Variants in PCDHGA5 observed in about 807,000 individuals in gnomAD.
PCDHGA5 encodes protocadherin gamma-A5.
In PCDHGA5, 36 loss-of-function variants were observed where a neutral mutation model predicts 56.7. That is an observed-to-expected ratio of 0.64 (90% confidence interval 0.49 to 0.84). The LOEUF (loss-of-function observed/expected upper bound fraction) is 0.84. Among genes scored for constraint, PCDHGA5 ranks in the 40% least tolerant of loss-of-function variants. PCDHGA5 has a pLI of 0.00. For missense variants in PCDHGA5, 1,305 were observed against 1,201.5 expected (o/e 1.09, Z -1.27); for synonymous variants, 563 against 520.2 (o/e 1.08, Z -1.12).
chr5:141,496,932 T>G (rs1336402833), intron 2 of PCDHGA5, among the ~76,000 whole-genome samples: 1 of 148,964 alleles, frequency 6.7e-6, no homozygotes, highest in Non-Finnish European at 1.5e-5. Context: ...ACGCCTGTAA[T>G]CCCAGCACTT....
intron 3 of PCDHGA5, among the ~76,000 whole-genome samples, chr5:141,506,484 C>T (rs1489425559): frequency 6.6e-6 from 1 of 150,566 alleles, no homozygotes; most frequent in Non-Finnish European, 1.5e-5. Context: ...GCTTTAGAGG[C>T]AGGCCAATCT....
chr5:141,490,346 T>A lies in PCDHGA5; in HGVS notation c.2422-4461T>A. On this transcript the variant is annotated intron_variant, in intron 1 of 3. Coordinates refer to ENST00000518069, the MANE Select transcript of PCDHGA5 (RefSeq NM_018918.3). This position sits in a 1 kb window ranked among gnomAD's most constrained non-coding sequence, Gnocchi z 5.4. ...GAGAGCACACCAGTGGGCACAGTAG[T>A]GGGGTTGTTTAATGTGCGAGACCGG... The A allele has an allele frequency of 6.2e-7, 1 of 1,614,164 alleles. No individual in the cohort carries two copies. The highest frequency in any genetic ancestry group is 8.5e-7 in the Non-Finnish European group (1 of 1,180,020).
At position 141,423,431 on chromosome 5, in the gene PCDHGA5, G is replaced by A. The variant is rs1220133197; in HGVS notation, c.2421+56680G>A. On this transcript the variant is annotated intron_variant, in intron 1 of 3. Coordinates refer to ENST00000518069, the MANE Select transcript of PCDHGA5 (RefSeq NM_018918.3). ...CAGGCTTCTGAAGGCGGGTTGGCAGGTATGCCCACGTCACATTTTGTAGGC... is the reference window on the plus strand; with the variant it reads ...CAGGCTTCTGAAGGCGGGTTGGCAGATATGCCCACGTCACATTTTGTAGGC... 3 of 1,613,892 alleles carry A rather than the reference G, an allele frequency of 1.9e-6. No homozygotes were observed. Among genetic ancestry groups the A allele is most frequent in the Admixed American group, 3.3e-5 (2 of 60,012 alleles).
chr5:141,374,734 C>A, intron 1 of PCDHGA5: 1 of 1,610,164 alleles, frequency 6.2e-7, no homozygotes, highest in East Asian at 2.2e-5. Flanking sequence ...CCATGGATGG[C>A]GGCGACCCTG....
chr5:141,403,849 G>A, intron 1 of PCDHGA5: 1 of 1,613,560 alleles, frequency 6.2e-7, no homozygotes, highest in East Asian at 2.2e-5. Flanking sequence ...AAAATACTGG[G>A]GAAATATCAA....
chr5:141,433,358 C>CCTATCTATCTATCTATCTAT (rs3074541), intron 1 of PCDHGA5: 39 of 504,044 alleles, frequency 7.7e-5, no homozygotes, highest in Admixed American at 1.8e-4. Context: ...CTACTGTCTG[C>CCTATCTATCTATCTATCTAT]CTATCTATCT....
At chr5:141,375,224 C>T in intron 1 of PCDHGA5, 1 of 1,613,976 alleles carries the variant, frequency 6.2e-7, no homozygotes, top group South Asian at 1.1e-5. Context: ...CCTGAATGGC[C>T]TGGTAACCTG....
chr5:141,415,487 A>C, intron 1 of PCDHGA5: 1 of 1,614,170 alleles, frequency 6.2e-7, no homozygotes, highest in Non-Finnish European at 8.5e-7. Context: ...CGAAAGAGTC[A>C]CCTGATCTTC....
chr5:141,485,009 C>A lies in PCDHGA5; in HGVS notation c.2422-9798C>A, dbSNP rs531346426. 4 of 628,216 alleles carry A rather than the reference C, an allele frequency of 6.4e-6. No individual in the cohort carries two copies. Among genetic ancestry groups the A allele is most frequent in the African/African-American group, 3.7e-5 (2 of 54,100 alleles). 38.9% of individuals were successfully genotyped at this position (628,216 alleles called of 1,614,324 possible). On this transcript the variant is annotated intron_variant, in intron 1 of 3. Transcript: ENST00000518069. This position sits in a 1 kb window ranked among gnomAD's most constrained non-coding sequence, Gnocchi z 5.7. Reference sequence around the variant, plus strand: ...GGTGGTGAAAGGCAGACAAATCTACCCCGCCACCAGCAAAAACGGCGCGTA... The same window carrying A: ...GGTGGTGAAAGGCAGACAAATCTACACCGCCACCAGCAAAAACGGCGCGTA...
intron 1 of PCDHGA5, chr5:141,399,703 C>T: frequency 1.2e-6 from 2 of 1,613,474 alleles, no homozygotes; most frequent in African/African-American, 1.3e-5. Flanking sequence ...CACCTTCGAA[C>T]TCACACTACA....
intron 1 of PCDHGA5, among the ~76,000 whole-genome samples, chr5:141,484,030 T>G (rs1290301073): frequency 6.6e-6 from 1 of 151,022 alleles, no homozygotes; most frequent in African/African-American, 2.4e-5. Flanking sequence ...TGAGATCAAG[T>G]CTCCAGCTCC....
At chr5:141,420,001 C>T in intron 1 of PCDHGA5, 1 of 1,614,084 alleles carries the variant, frequency 6.2e-7, no homozygotes, top group Non-Finnish European at 8.5e-7. Flanking sequence ...TTGCTCTACG[C>T]CTGCGACAGT....
intron 1 of PCDHGA5, among the ~76,000 whole-genome samples, chr5:141,474,165 A>G (rs1444314307): frequency 6.6e-6 from 1 of 152,234 alleles, no homozygotes; most frequent in Non-Finnish European, 1.5e-5. Context: ...GACAGGCCTT[A>G]TTATTGAGAA....
chr5:141,490,419 G>C lies in PCDHGA5; in HGVS notation c.2422-4388G>C. The C allele has an allele frequency of 6.2e-7, 1 of 1,614,170 alleles. No homozygotes were observed. Among genetic ancestry groups the C allele is most frequent in the Non-Finnish European group, 8.5e-7 (1 of 1,180,020 alleles). ...TGAGCCTTGATATCTCTCCGGACCT[G>C]CCATTTCAGATTAAGCCTTCTGAGA... On this transcript the variant is annotated intron_variant, in intron 1 of 3. Transcript: ENST00000518069. The surrounding 1 kb of genome is among the most constrained non-coding windows in gnomAD (Gnocchi z 5.4).
At chr5:141,419,686 G>T (rs551990092) in intron 1 of PCDHGA5, 2 of 1,612,878 alleles carry the variant, frequency 1.2e-6, no homozygotes, top group South Asian at 1.1e-5. Flanking sequence ...ACCACGTGGT[G>T]CAGGCCAGTG....
chr5:141,479,003 C>T (rs2099485569), intron 1 of PCDHGA5, among the ~76,000 whole-genome samples: 1 of 152,176 alleles, frequency 6.6e-6, no homozygotes, highest in South Asian at 2.1e-4. Context: ...AAACTAATAG[C>T]TTTTTGATAA....
chr5:141,399,660 C>T (rs988885728), intron 1 of PCDHGA5: 2 of 1,613,654 alleles, frequency 1.2e-6, no homozygotes, highest in East Asian at 2.2e-5. Context: ...GGGTGGTGTT[C>T]GCGCAGCGCG....
rs1340147578 is a variant in PCDHGA5, at chr5:141,487,141, T to C, written c.2422-7666T>C. On this transcript the variant is annotated intron_variant, in intron 1 of 3. Transcript: ENST00000518069. This position sits in a 1 kb window ranked among gnomAD's most constrained non-coding sequence, Gnocchi z 5.0. ...AGGATAGTGGTAGTCCACCACTCTCTACCTCTGTTACTCTCTTAGTGTCCT... is the reference window on the plus strand; with the variant it reads ...AGGATAGTGGTAGTCCACCACTCTCCACCTCTGTTACTCTCTTAGTGTCCT... The C allele has an allele frequency of 1.2e-6, 2 of 1,613,882 alleles. No individual in the cohort carries two copies. Among genetic ancestry groups the C allele is most frequent in the African/African-American group, 2.7e-5 (2 of 74,934 alleles).
Position 141,470,128 on chromosome 5 carries a change from CA to C in PCDHGA5, c.2422-24670del, listed in dbSNP as rs200356364. Among the ~76,000 whole-genome samples, 62 of 150,148 alleles carry C rather than the reference CA, an allele frequency of 4.1e-4. 1 individual carries two copies. Among genetic ancestry groups the C allele is most frequent in the Middle Eastern group, 3.4e-3 (1 of 294 alleles). On this transcript the variant is annotated intron_variant, in intron 1 of 3. Coordinates refer to ENST00000518069, the MANE Select transcript of PCDHGA5 (RefSeq NM_018918.3). ...TGAGCAACAGAGCAAGACTTCGTCTCAAAAAAAAAGATCATAGATCATCTTA... is the reference window on the plus strand; with the variant it reads ...TGAGCAACAGAGCAAGACTTCGTCTCAAAAAAAAGATCATAGATCATCTTA...
Sources: gnomAD v4.1 joint callset for allele counts (sites outside exome capture counted in the v4.1 genomes callset) on GRCh38, gnomAD v4.1.1 for gene constraint, Gnocchi (gnomAD v3.1) non-coding constraint, MANE v1.5 for transcripts, NCBI Gene and HGNC (gene_info 2026-07-23, HGNC 2026-07-21) for gene names.